The following MAGI2 variants were observed in gnomAD, a reference collection of about 807,000 sequenced individuals.
MAGI2 encodes the protein membrane associated guanylate kinase, WW and PDZ domain containing 2.
MAGI2 carries 35 observed loss-of-function variants against 133.3 expected under a neutral mutation model. That is an observed-to-expected ratio of 0.26 (90% CI 0.20 to 0.35). The LOEUF is 0.35. Among genes scored for constraint, MAGI2 ranks in the 10% least tolerant of loss-of-function variants. The probability of loss-of-function intolerance (pLI) is 1.00; values close to 1 mark genes in which losing one functional copy is unlikely to be tolerated. For synonymous variants in MAGI2, 729 were observed against 710.6 expected (o/e 1.03, Z -0.41); for missense variants, 1,636 against 1,863.4 (o/e 0.88, Z 2.25).
intron 1 of MAGI2, among the ~76,000 whole-genome samples, chr7:79,368,847 CAAAAAAAA>C (rs71095400): frequency 5.3e-5 from 4 of 75,326 alleles, no homozygotes; most frequent in Non-Finnish European, 8.8e-5. Flanking sequence ...GACTCCGTCT[CAAAAAAAA>C]AAAAAAAAAA....
chr7:79,223,371 T>G (rs1420127087), intron 1 of MAGI2, among the ~76,000 whole-genome samples: 1 of 152,090 alleles, frequency 6.6e-6, no homozygotes, highest in Non-Finnish European at 1.5e-5. Flanking sequence ...ATTTAGCAGT[T>G]AACACTTCAT....
intron 1 of MAGI2, among the ~76,000 whole-genome samples, chr7:79,306,907 T>C (rs538095982): frequency 6.6e-6 from 1 of 152,082 alleles, no homozygotes; most frequent in East Asian, 1.9e-4. Context: ...TCCACCTCCC[T>C]GGTTCAAGCA....
chr7:79,199,819 C>G (rs1461208236), intron 1 of MAGI2, among the ~76,000 whole-genome samples: 2 of 151,866 alleles, frequency 1.3e-5, no homozygotes, highest in Non-Finnish European at 2.9e-5. Flanking sequence ...GCAAGACATG[C>G]AAAGATTTTG....
At chr7:78,654,341 T>C (rs947676438) in intron 2 of MAGI2, among the ~76,000 whole-genome samples, 1 of 152,148 alleles carries the variant, frequency 6.6e-6, no homozygotes, top group African/African-American at 2.4e-5. Flanking sequence ...AAATAGTATG[T>C]GGCACACAGT....
chr7:78,127,392 C>T lies in MAGI2; in HGVS notation c.3228G>A (p.Arg1076=), dbSNP rs1217408985. ...ENSYRSEVKA[R]QDVKPDIRQP... ...GTCGGATGTCTGGTTTCACATCTTGCCTTGCTTTCACTTCCGACCTGTAAC... is the reference window on the plus strand; with the variant it reads ...GTCGGATGTCTGGTTTCACATCTTGTCTTGCTTTCACTTCCGACCTGTAAC... The change falls in exon 19 of 22, where the codon AGG becomes AGA. Residue 1076 remains arginine, a synonymous_variant. Transcript: ENST00000354212. 6.2e-6 allele frequency: 10 copies of T among 1,605,318 alleles called. No individual in the cohort carries two copies. Among genetic ancestry groups the T allele is most frequent in the African/African-American group, 4.0e-5 (3 of 75,018 alleles).
At chr7:79,037,825 C>A (rs1039803726) in intron 1 of MAGI2, among the ~76,000 whole-genome samples, 5 of 152,242 alleles carry the variant, frequency 3.3e-5, no homozygotes, top group Admixed American at 2.0e-4. Context: ...CAATATTTGT[C>A]ATTATTCTTA....
At chr7:78,934,530 A>C (rs1800374412) in intron 2 of MAGI2, among the ~76,000 whole-genome samples, 1 of 152,200 alleles carries the variant, frequency 6.6e-6, no homozygotes, top group Admixed American at 6.6e-5. Flanking sequence ...AATGATGGCG[A>C]TACCAAACAA....
chr7:79,008,409 C>T (rs1257335008), intron 1 of MAGI2, among the ~76,000 whole-genome samples: 1 of 152,098 alleles, frequency 6.6e-6, no homozygotes, highest in African/African-American at 2.4e-5. Context: ...CAAAATCCAT[C>T]ATTTCAGTTG....
intron 10 of MAGI2, among the ~76,000 whole-genome samples, chr7:78,235,915 G>A (rs956890989): frequency 6.6e-6 from 1 of 151,990 alleles, no homozygotes; most frequent in Admixed American, 6.6e-5. Context: ...GGCCAGAAAA[G>A]TGACATACTC....
intron 2 of MAGI2, among the ~76,000 whole-genome samples, chr7:78,937,714 A>G (rs1800624641): frequency 6.6e-6 from 1 of 152,114 alleles, no homozygotes; most frequent in African/African-American, 2.4e-5. Flanking sequence ...AGTTATAGAC[A>G]TGGTCTCTGG....
intron 3 of MAGI2, among the ~76,000 whole-genome samples, chr7:78,588,192 A>C (rs1355412938): frequency 2.0e-5 from 3 of 152,134 alleles, no homozygotes; most frequent in African/African-American, 7.2e-5. Flanking sequence ...TCCACCCGAC[A>C]CTTTATCATC....
At chr7:78,462,298 C>G (rs1001140682) in intron 6 of MAGI2, among the ~76,000 whole-genome samples, 2 of 152,110 alleles carry the variant, frequency 1.3e-5, no homozygotes, top group Admixed American at 6.5e-5. Flanking sequence ...TAATGGAAAC[C>G]AAGAGTGAAG....
chr7:78,592,025 T>A (rs451167), intron 3 of MAGI2, among the ~76,000 whole-genome samples: 7 of 152,206 alleles, frequency 4.6e-5, no homozygotes, highest in Admixed American at 4.6e-4. Context: ...AGGAGTGAAG[T>A]GATAAAGAGA....
intron 2 of MAGI2, among the ~76,000 whole-genome samples, chr7:78,762,485 A>G (rs2151302380): frequency 6.6e-6 from 1 of 152,286 alleles, no homozygotes; most frequent in Non-Finnish European, 1.5e-5. Flanking sequence ...AAAAGAAAAA[A>G]AAACAAAAAA....
chr7:78,059,777 A>ATATATATTTTT (rs368179491), intron 21 of MAGI2, among the ~76,000 whole-genome samples: 5 of 146,086 alleles, frequency 3.4e-5, no homozygotes, highest in East Asian at 2.0e-4. Context: ...ATATATATAT[A>ATATATATTTTT]TTTTTTTTCT....
chr7:78,594,647 G>A lies in MAGI2; in HGVS notation c.538+32473C>T, dbSNP rs187835647. ...TAATTTTTGTATTTTTAGTAGAGAC[G>A]GGGTTTCACCATGTTGGCCAGGATG... On this transcript the variant is annotated intron_variant, in intron 3 of 21. Coordinates refer to ENST00000354212, the MANE Select transcript of MAGI2 (RefSeq NM_012301.4). Among the ~76,000 whole-genome samples, 103 of 152,106 alleles carry A rather than the reference G, an allele frequency of 6.8e-4. 2 individuals are homozygous for A. In the East Asian group the frequency reaches 0.016, roughly 23 times the overall value.
chr7:79,368,801 T>C (rs1395749921), intron 1 of MAGI2, among the ~76,000 whole-genome samples: 3 of 141,790 alleles, frequency 2.1e-5, no homozygotes, highest in Non-Finnish European at 3.0e-5. Context: ...TGAGCCGAGA[T>C]TGTGCCACTG....
intron 14 of MAGI2, among the ~76,000 whole-genome samples, chr7:78,175,654 T>C (rs962300526): frequency 6.6e-6 from 1 of 152,078 alleles, no homozygotes; most frequent in Admixed American, 6.6e-5. Context: ...GTTGGGGTGG[T>C]CTGTGGAGAC....
intron 2 of MAGI2, among the ~76,000 whole-genome samples, chr7:78,817,942 A>G (rs937098529): frequency 1.6e-4 from 24 of 152,060 alleles, no homozygotes; most frequent in Admixed American, 1.6e-3. Flanking sequence ...TAACTTTTAT[A>G]CATATTGGGA....
Sources: gnomAD v4.1 joint callset for allele counts (sites outside exome capture counted in the v4.1 genomes callset) on GRCh38, gnomAD v4.1.1 for gene constraint, MANE v1.5 for transcripts, NCBI Gene and HGNC (gene_info 2026-07-23, HGNC 2026-07-21) for gene names.